MDFIC2: variants seen among roughly 807,000 people sequenced by gnomAD.
MDFIC2 encodes the protein myoD family inhibitor domain-containing protein 2.
intron 2 of MDFIC2, among the ~76,000 whole-genome samples, chr3:70,294,943 C>G (rs952640287): frequency 4.6e-5 from 7 of 152,154 alleles, no homozygotes; most frequent in Non-Finnish European, 1.0e-4. Context: ...ACAACCAACT[C>G]ACCTCTCCTG....
intron 2 of MDFIC2, among the ~76,000 whole-genome samples, chr3:70,234,629 G>T (rs1486412910): frequency 2.7e-5 from 4 of 147,670 alleles, no homozygotes; most frequent in African/African-American, 1.0e-4. Flanking sequence ...GACCAAGTGA[G>T]ACCCTGGCTC....
chr3:70,244,041 C>T (rs1701683121), intron 2 of MDFIC2, among the ~76,000 whole-genome samples: 1 of 152,182 alleles, frequency 6.6e-6, no homozygotes, highest in South Asian at 2.1e-4. Flanking sequence ...ATGGAAGATT[C>T]TAATTCTTCA....
chr3:70,268,223 C>A (rs1322672026), intron 2 of MDFIC2, among the ~76,000 whole-genome samples: 1 of 152,150 alleles, frequency 6.6e-6, no homozygotes, highest in African/African-American at 2.4e-5. Context: ...GTCATCCCAG[C>A]ACTTTGGGGG....
intron 2 of MDFIC2, among the ~76,000 whole-genome samples, chr3:70,274,383 G>C (rs13065675): frequency 6.6e-6 from 1 of 150,806 alleles, no homozygotes; most frequent in East Asian, 1.9e-4. Flanking sequence ...TATAGAATGA[G>C]TATGTGATAG....
At chr3:70,284,639 A>G (rs9861113) in intron 2 of MDFIC2, among the ~76,000 whole-genome samples, 31,409 of 152,120 alleles carry the variant, frequency 0.21, 3,446 homozygotes, top group South Asian at 0.28. Context: ...AGAAATTAAC[A>G]CAGGAACAGA....
chr3:70,226,888 A>G (rs1323689060), intron 2 of MDFIC2, among the ~76,000 whole-genome samples: 1 of 152,144 alleles, frequency 6.6e-6, no homozygotes, highest in Non-Finnish European at 1.5e-5. Context: ...AAAGGAGAGA[A>G]GAGGGACTGG....
intron 2 of MDFIC2, among the ~76,000 whole-genome samples, chr3:70,258,252 G>A (rs1028760732): frequency 6.6e-6 from 1 of 152,036 alleles, no homozygotes; most frequent in African/African-American, 2.4e-5. Context: ...TCTTAGATCA[G>A]ACACCAAAAG....
intron 2 of MDFIC2, among the ~76,000 whole-genome samples, chr3:70,225,772 T>TA (rs34509035): frequency 6.6e-6 from 1 of 152,302 alleles, no homozygotes; most frequent in South Asian, 2.1e-4. Context: ...TTATGTCTTT[T>TA]AAAAAAATGT....
At chr3:70,290,420 C>G (rs1233428779) in intron 2 of MDFIC2, among the ~76,000 whole-genome samples, 1 of 152,214 alleles carries the variant, frequency 6.6e-6, no homozygotes, top group African/African-American at 2.4e-5. Context: ...TGCCCCTTCT[C>G]AGATCTCCAG....
intron 2 of MDFIC2, among the ~76,000 whole-genome samples, chr3:70,303,844 T>G (rs1277337457): frequency 1.3e-5 from 2 of 151,898 alleles, no homozygotes; most frequent in Non-Finnish European, 2.9e-5. Flanking sequence ...ACCATGCCTG[T>G]GTAATTTTTT....
chr3:70,220,295 G>T (rs1313977674), intron 2 of MDFIC2, among the ~76,000 whole-genome samples: 1 of 152,088 alleles, frequency 6.6e-6, no homozygotes, highest in Non-Finnish European at 1.5e-5. Flanking sequence ...GCTAGGCTCA[G>T]TGTCTCATGC....
At chr3:70,286,719 T>A (rs1702168152) in intron 2 of MDFIC2, among the ~76,000 whole-genome samples, 1 of 152,180 alleles carries the variant, frequency 6.6e-6, no homozygotes, top group African/African-American at 2.4e-5. Flanking sequence ...TTTCTTTTTA[T>A]CCTCTTTTAT....
chr3:70,246,212 T>A (rs1701707309), intron 2 of MDFIC2, among the ~76,000 whole-genome samples: 2 of 152,064 alleles, frequency 1.3e-5, no homozygotes, highest in South Asian at 4.1e-4. Context: ...TCACCATTTT[T>A]AATTTTTGAT....
chr3:70,224,112 ATCTT>A (rs1701482488), intron 2 of MDFIC2, among the ~76,000 whole-genome samples: 1 of 152,150 alleles, frequency 6.6e-6, no homozygotes. Context: ...CCCTGTGTGT[ATCTT>A]TATCACTAAC....
chr3:70,222,749 A>G (rs1397314729), intron 2 of MDFIC2, among the ~76,000 whole-genome samples: 1 of 152,168 alleles, frequency 6.6e-6, no homozygotes, highest in African/African-American at 2.4e-5. Flanking sequence ...AAACTGGTAT[A>G]AATATACAGG....
intron 2 of MDFIC2, among the ~76,000 whole-genome samples, chr3:70,234,449 G>A (rs1701589261): frequency 6.6e-6 from 1 of 151,988 alleles, no homozygotes; most frequent in Non-Finnish European, 1.5e-5. Flanking sequence ...AGGAGTTTGA[G>A]ACCAGCCTGG....
At chr3:70,207,218 T>C (rs1046707848) in intron 2 of MDFIC2, among the ~76,000 whole-genome samples, 1 of 152,034 alleles carries the variant, frequency 6.6e-6, no homozygotes, top group African/African-American at 2.4e-5. Flanking sequence ...CAAGTCACTT[T>C]ATTACTTTGT....
chr3:70,251,539 G>C (rs750948079), intron 2 of MDFIC2, among the ~76,000 whole-genome samples: 1 of 152,172 alleles, frequency 6.6e-6, no homozygotes, highest in African/African-American at 2.4e-5. Flanking sequence ...CTGGCCTCAT[G>C]ATGGTGGAGT....
rs113910553 is a variant in MDFIC2 at position 70,272,832 on chromosome 3, G to A, written c.88+39054C>T. Among the ~76,000 whole-genome samples, 55 of 152,040 alleles carry A rather than the reference G, an allele frequency of 3.6e-4. 1 individual carries two copies. Among genetic ancestry groups the A allele is most frequent in the African/African-American group, 1.3e-3 (55 of 41,450 alleles). ...TTTCACGAAGTTAGAATTTTCTTTC[G>A]GCAAGACTTTGGGAAGGAAGGGAAA... is the stretch of plus-strand genomic sequence containing the variant. On this transcript the variant is annotated intron_variant, in intron 2 of 3. Coordinates refer to ENST00000567252, the MANE Select transcript of MDFIC2 (RefSeq NM_001364677.1).
Sources: allele counts gnomAD v4.1 joint callset (sites outside exome capture counted in the v4.1 genomes callset), GRCh38; gene constraint gnomAD v4.1.1; transcripts MANE v1.5; gene names NCBI Gene and HGNC (gene_info 2026-07-23, HGNC 2026-07-21).